CNKSR3: variants seen among roughly 807,000 people sequenced by gnomAD.
CNKSR3 encodes the protein connector enhancer of kinase suppressor of ras 3.
CNKSR3 carries 36 observed loss-of-function variants against 67.7 expected under a neutral mutation model. The observed-to-expected ratio is 0.53, with a 90% CI of 0.41 to 0.70. The LOEUF (loss-of-function observed/expected upper bound fraction) is 0.70, where lower values mean the gene tolerates loss of function less well. Ranked by LOEUF, CNKSR3 falls within the 30% of genes least tolerant of loss-of-function variation. The probability of loss-of-function intolerance (pLI) is 0.00; values close to 1 mark genes in which losing one functional copy is unlikely to be tolerated. For synonymous variants in CNKSR3, 281 were observed against 271.4 expected, an observed-to-expected ratio of 1.04 and a Z score of -0.35; for missense variants, 630 against 695.2, an observed-to-expected ratio of 0.91 and a Z score of 1.05.
chr6:154,468,080 CTTTTTTTT>C (rs71021055), intron 1 of CNKSR3, among the ~76,000 whole-genome samples: 2 of 107,494 alleles, frequency 1.9e-5, no homozygotes, highest in Non-Finnish European at 3.4e-5. Flanking sequence ...TCTTTTTTTT[CTTTTTTTT>C]TTTTTTGAGA....
rs571055224 is a variant in CNKSR3, at chr6:154,490,487, T to C, written c.52+19576A>G. ...CATGTATTGTGTGTGTATATACGTA[T>C]ACAATATATCTAATATGTATAATGT... On this transcript the variant is annotated intron_variant, in intron 1 of 12. Coordinates refer to ENST00000607772, the MANE Select transcript of CNKSR3 (RefSeq NM_173515.4). Among the ~76,000 whole-genome samples the C allele has an allele frequency of 9.2e-4, 140 of 152,352 alleles. 2 individuals are homozygous for C. Among genetic ancestry groups the C allele is most frequent in the South Asian group, 9.1e-3 (44 of 4,830 alleles).
intron 1 of CNKSR3, among the ~76,000 whole-genome samples, chr6:154,502,738 C>G (rs1582907552): frequency 6.6e-6 from 1 of 152,322 alleles, no homozygotes; most frequent in East Asian, 1.9e-4. Context: ...TGCAGAAGTG[C>G]CCTCAGAGCT....
chr6:154,388,993 C>T lies in CNKSR3; in HGVS notation c.*17361G>A, dbSNP rs1189679195. On this transcript the variant is annotated 3_prime_UTR_variant, in exon 13 of 13. Coordinates refer to ENST00000607772, the MANE Select transcript of CNKSR3 (RefSeq NM_173515.4). Reference sequence around the variant, plus strand: ...TGAATTCCTTACATATTTTAGATGTCAACCCTTATCACATACATCGCTTGC... The same window carrying T: ...TGAATTCCTTACATATTTTAGATGTTAACCCTTATCACATACATCGCTTGC... 4 of 149,468 alleles carry T rather than the reference C, an allele frequency of 2.7e-5. No homozygotes were observed. Among genetic ancestry groups the T allele is most frequent in the African/African-American group, 9.9e-5 (4 of 40,464 alleles). 9.3% of individuals were successfully genotyped at this position (149,468 alleles called of 1,614,324 possible).
Position 154,402,779 on chromosome 6 carries a change from T to C in CNKSR3, c.*3575A>G, listed in dbSNP as rs1784732154. 6.6e-6 allele frequency: 1 copy of C among 152,198 alleles called. No homozygotes were observed. The highest frequency in any genetic ancestry group is 2.1e-4 in the South Asian group (1 of 4,828). 9.4% of individuals were successfully genotyped at this position (152,198 alleles called of 1,614,324 possible). ...CTGACATCGACCCCTTTCCTGGTAT[T>C]GAACTGCCAATGCAGCAGGTCTGAA... is the stretch of plus-strand genomic sequence containing the variant. On this transcript the variant is annotated 3_prime_UTR_variant, in exon 13 of 13. Transcript: ENST00000607772.
chr6:154,489,159 G>C (rs1327917401), intron 1 of CNKSR3, among the ~76,000 whole-genome samples: 2 of 152,098 alleles, frequency 1.3e-5, no homozygotes, highest in African/African-American at 4.8e-5. Context: ...TTCTGGATCT[G>C]GTACAACAAA....
chr6:154,410,288 C>A, intron 12 of CNKSR3, 55 bp downstream of exon 12: 1 of 1,266,590 alleles, frequency 7.9e-7, no homozygotes, highest in Non-Finnish European at 1.2e-6. Context: ...AAACCAGGCC[C>A]TGGGGCTGTT....
chr6:154,461,147 G>A (rs1215120150), intron 1 of CNKSR3, among the ~76,000 whole-genome samples: 1 of 152,170 alleles, frequency 6.6e-6, no homozygotes, highest in Non-Finnish European at 1.5e-5. Flanking sequence ...GTGACCCCAC[G>A]GAGGGTGCTG....
intron 1 of CNKSR3, among the ~76,000 whole-genome samples, chr6:154,478,928 A>G (rs1023350768): frequency 2.0e-5 from 3 of 152,244 alleles, no homozygotes; most frequent in African/African-American, 4.8e-5. Flanking sequence ...TGCTGGCCAC[A>G]ATGAAAGCAG....
At chr6:154,477,217 G>A (rs1160038979) in intron 1 of CNKSR3, among the ~76,000 whole-genome samples, 1 of 152,106 alleles carries the variant, frequency 6.6e-6, no homozygotes, top group South Asian at 2.1e-4. Flanking sequence ...AAAAATGATT[G>A]TAACATTATA....
chr6:154,443,497 C>T (rs1467081383), intron 2 of CNKSR3, among the ~76,000 whole-genome samples: 1 of 152,168 alleles, frequency 6.6e-6, no homozygotes, highest in Non-Finnish European at 1.5e-5. Context: ...CCCACTTCTG[C>T]CCCATCTGAA....
intron 10 of CNKSR3, among the ~76,000 whole-genome samples, chr6:154,413,441 G>A (rs1784950169): frequency 6.6e-6 from 1 of 152,026 alleles, no homozygotes; most frequent in African/African-American, 2.4e-5. Flanking sequence ...ATATTCCCCA[G>A]GCTGGTCTTG....
chr6:154,421,750 C>T (rs72993390), intron 9 of CNKSR3, among the ~76,000 whole-genome samples: 6,979 of 152,224 alleles, frequency 0.046, 218 homozygotes, highest in African/African-American at 0.075. Flanking sequence ...CCTGGTAAAG[C>T]GCTGCTGATG....
At chr6:154,470,650 T>C (rs1026437581) in intron 1 of CNKSR3, among the ~76,000 whole-genome samples, 4 of 152,236 alleles carry the variant, frequency 2.6e-5, no homozygotes, top group African/African-American at 9.6e-5. Context: ...AATATTCCAT[T>C]GTATAGATAT....
chr6:154,457,112 C>T (rs928961346), intron 1 of CNKSR3, among the ~76,000 whole-genome samples: 1 of 152,202 alleles, frequency 6.6e-6, no homozygotes, highest in Non-Finnish European at 1.5e-5. Context: ...TTCCCCCAAA[C>T]ATGACATGTT....
In CNKSR3 at chr6:154,456,837, C is replaced by A. The variant is rs1003280577; in HGVS notation, c.53-6579G>T. Among the ~76,000 whole-genome samples the A allele has an allele frequency of 6.0e-5, 9 of 149,670 alleles. 1 individual carries two copies. The highest frequency in any genetic ancestry group is 2.0e-4 in the Admixed American group (3 of 14,894). On this transcript the variant is annotated intron_variant, in intron 1 of 12. Coordinates refer to ENST00000607772, the MANE Select transcript of CNKSR3 (RefSeq NM_173515.4). ...CTCACACAAATTCAATTTAATTCAA[C>A]AAACTTTAGGAAGCAACTACTATAT...
At position 154,428,170 on chromosome 6, in the gene CNKSR3, T is replaced by A; in HGVS notation, c.687A>T (p.Ser229=). 1 of 1,609,660 alleles carries A rather than the reference T, an allele frequency of 6.2e-7. No homozygotes were observed. Among genetic ancestry groups the A allele is most frequent in the South Asian group, 1.1e-5 (1 of 90,982 alleles). ...TAATCACGTGTAACCCATCATAGGT[T>A]GATTTGATGTACATGCCCTGGAGTG... ...PGEGLGMYIK[S]TYDGLHVITG... Residue 229 remains serine (S), a synonymous_variant, in exon 7 of 13, where the codon TCA becomes TCT. Transcript: ENST00000607772.
At chr6:154,429,167 A>C (rs1785314858) in intron 6 of CNKSR3, among the ~76,000 whole-genome samples, 1 of 152,200 alleles carries the variant, frequency 6.6e-6, no homozygotes, top group Non-Finnish European at 1.5e-5. Context: ...AAACTGTTAC[A>C]AGATGGGGAA....
At chr6:154,437,598 T>C (rs940563026) in intron 4 of CNKSR3, among the ~76,000 whole-genome samples, 4 of 151,938 alleles carry the variant, frequency 2.6e-5, no homozygotes, top group Non-Finnish European at 5.9e-5. Context: ...GTATTTTTAG[T>C]ACAGATGGGG....
chr6:154,443,173 C>G (rs1273609331), intron 2 of CNKSR3, among the ~76,000 whole-genome samples: 2 of 152,166 alleles, frequency 1.3e-5, no homozygotes, highest in African/African-American at 2.4e-5. Context: ...ACTGGGATTA[C>G]AGGCGTGAGC....
Sources: gnomAD v4.1 joint callset for allele counts (sites outside exome capture counted in the v4.1 genomes callset) on GRCh38, gnomAD v4.1.1 for gene constraint, MANE v1.5 for transcripts, NCBI Gene and HGNC (gene_info 2026-07-23, HGNC 2026-07-21) for gene names.